The following LPP variants were observed in gnomAD, a reference collection of about 807,000 sequenced individuals.
LPP encodes the protein LIM domain containing preferred translocation partner in lipoma.
Under a neutral mutation model 60.4 loss-of-function variants are expected in LPP, and 38 were observed. The observed-to-expected ratio is 0.63, with a 90% CI of 0.49 to 0.83. LPP has a LOEUF of 0.83. Among genes scored for constraint, LPP ranks in the 40% least tolerant of loss-of-function variants. LPP has a pLI of 0.00. For synonymous variants in LPP, 328 were observed against 290.8 expected, an observed-to-expected ratio of 1.13 and a Z score of -1.30; for missense variants, 902 against 783.6, an observed-to-expected ratio of 1.15 and a Z score of -1.80.
chr3:188,760,100 C>T lies in LPP; in HGVS notation c.1241-13C>T. The T allele has an allele frequency of 1.2e-6, 2 of 1,612,028 alleles. No individual in the cohort carries two copies. The highest frequency in any genetic ancestry group is 1.7e-6 in the Non-Finnish European group (2 of 1,178,860). On this transcript the variant is annotated splice_polypyrimidine_tract_variant and intron_variant, in intron 8 of 11. Coordinates refer to ENST00000617246, the MANE Select transcript of LPP (RefSeq NM_001375462.1). Reference sequence around the variant, plus strand: ...CTCCTTGGTGTGTTCTTATCAAACCCTTTTTTTTCCAGGCCGCTGTGCTCG... The same window carrying T: ...CTCCTTGGTGTGTTCTTATCAAACCTTTTTTTTTCCAGGCCGCTGTGCTCG...
At chr3:188,542,613 A>G (rs1050531139) in intron 6 of LPP, among the ~76,000 whole-genome samples, 5 of 152,244 alleles carry the variant, frequency 3.3e-5, no homozygotes, top group African/African-American at 1.2e-4. Flanking sequence ...AAACATAAAC[A>G]TATATTATGA....
In LPP at chr3:188,610,103, G is replaced by C. The variant is rs1423955381; in HGVS notation, c.1113+259G>C. Among the ~76,000 whole-genome samples the C allele has an allele frequency of 6.6e-6, 1 of 152,188 alleles. No homozygotes were observed. Among genetic ancestry groups the C allele is most frequent in the Non-Finnish European group, 1.5e-5 (1 of 68,036 alleles). ...TCTTCCAAAGCCCACAGACACCATA[G>C]CATCTGAGGACAAAGTGTTCTGATG... On this transcript the variant is annotated intron_variant, in intron 7 of 11. Coordinates refer to ENST00000617246, the MANE Select transcript of LPP (RefSeq NM_001375462.1). The surrounding 1 kb of genome is among the most constrained non-coding windows in gnomAD (Gnocchi z 4.4).
At chr3:188,307,636 C>A (rs370158680) in intron 2 of LPP, among the ~76,000 whole-genome samples, 2 of 152,168 alleles carry the variant, frequency 1.3e-5, no homozygotes, top group East Asian at 1.9e-4. Context: ...TTTGTTGTAT[C>A]CCCACCTAGG....
At chr3:188,206,141 C>T (rs996736200) in intron 1 of LPP, among the ~76,000 whole-genome samples, 7 of 152,248 alleles carry the variant, frequency 4.6e-5, no homozygotes, top group Admixed American at 1.3e-4. Context: ...GTTAGACACA[C>T]CTCCTTTAAT....
chr3:188,516,578 C>G (rs927881066), intron 5 of LPP, among the ~76,000 whole-genome samples: 2 of 151,356 alleles, frequency 1.3e-5, no homozygotes, highest in Admixed American at 6.6e-5. Flanking sequence ...TAAATTCACT[C>G]AGTACCCACC....
chr3:188,794,965 G>A lies in LPP; in HGVS notation c.1410+34683G>A, dbSNP rs527457790. ...AACCTGGCCAACACGGTGAAACCCC[G>A]TCTCTACTAAAATACAAAAATTAGC... On this transcript the variant is annotated intron_variant, in intron 9 of 11. Transcript: ENST00000617246. Among the ~76,000 whole-genome samples the A allele has an allele frequency of 9.9e-5, 15 of 152,156 alleles. No individual in the cohort carries two copies. The South Asian group carries it at 1.9e-3, about 19-fold the overall frequency.
intron 2 of LPP, among the ~76,000 whole-genome samples, chr3:188,278,438 A>C (rs149051825): frequency 8.5e-5 from 13 of 152,350 alleles, no homozygotes; most frequent in East Asian, 5.8e-4. Flanking sequence ...TGGCACCTGC[A>C]GCCAGAGACC....
intron 6 of LPP, among the ~76,000 whole-genome samples, chr3:188,607,404 TATATATATATATAA>T (rs1402716867): frequency 0.26 from 23,926 of 93,502 alleles, 3,600 homozygotes; most frequent in Non-Finnish European, 0.38. Context: ...TATATATATA[TATATATATATATAA>T]TTTTTTTTTC....
chr3:188,801,822 A>T (rs1489068595), intron 9 of LPP, among the ~76,000 whole-genome samples: 3 of 152,148 alleles, frequency 2.0e-5, no homozygotes, highest in Non-Finnish European at 4.4e-5. Context: ...TTGGATAAAG[A>T]CTGTTCTTAC....
chr3:188,813,258 A>G (rs1383804847), intron 9 of LPP, among the ~76,000 whole-genome samples: 1 of 152,190 alleles, frequency 6.6e-6, no homozygotes, highest in Non-Finnish European at 1.5e-5. Flanking sequence ...TAGCTATTTC[A>G]TTGCAATAAA....
chr3:188,687,281 T>C (rs1419954973), intron 7 of LPP, among the ~76,000 whole-genome samples: 3 of 152,176 alleles, frequency 2.0e-5, no homozygotes, highest in Non-Finnish European at 4.4e-5. Flanking sequence ...TCTGTTCTAA[T>C]GCTGGGATCA....
intron 4 of LPP, among the ~76,000 whole-genome samples, chr3:188,436,806 T>C (rs1213819189): frequency 1.3e-5 from 2 of 152,154 alleles, no homozygotes; most frequent in Admixed American, 6.5e-5. Flanking sequence ...TTAAAGTTTG[T>C]GTAGGTAAGA....
At chr3:188,869,199 C>T (rs1767435838) in intron 10 of LPP, among the ~76,000 whole-genome samples, 2 of 152,150 alleles carry the variant, frequency 1.3e-5, no homozygotes, top group Non-Finnish European at 2.9e-5. Context: ...CTAGAGCAGC[C>T]TGGGAGTAGA....
chr3:188,718,936 A>C (rs1367916317), intron 8 of LPP, among the ~76,000 whole-genome samples: 2 of 152,188 alleles, frequency 1.3e-5, no homozygotes, highest in African/African-American at 4.8e-5. Context: ...TAGGGTCCCA[A>C]ATTTGTTAGT....
intron 5 of LPP, among the ~76,000 whole-genome samples, chr3:188,524,170 C>T (rs1819806003): frequency 6.6e-6 from 1 of 152,194 alleles, no homozygotes; most frequent in Non-Finnish European, 1.5e-5. Flanking sequence ...CGCACACATG[C>T]ATACCTAATA....
intron 1 of LPP, among the ~76,000 whole-genome samples, chr3:188,219,742 TG>T (rs1003530090): frequency 3.3e-5 from 5 of 152,344 alleles, no homozygotes; most frequent in African/African-American, 1.2e-4. Flanking sequence ...TTGATGCTCC[TG>T]CTTACATATC....
Position 188,422,638 on chromosome 3 carries a change from A to G in LPP, c.193+16325A>G, listed in dbSNP as rs185320789. 1.1e-3 allele frequency among the ~76,000 whole-genome samples: 167 copies of G among 152,286 alleles called. 2 individuals carry two copies. The East Asian group carries it at 0.025, about 23-fold the overall frequency. The stretch of plus-strand genomic sequence containing the variant: ...AAAAGAAAAAGAACAGGAACTCCTA[A>G]CAACCTAAAATGCATGCCTTGTGCA... On this transcript the variant is annotated intron_variant, in intron 4 of 11. Coordinates refer to ENST00000617246, the MANE Select transcript of LPP (RefSeq NM_001375462.1).
intron 4 of LPP, among the ~76,000 whole-genome samples, chr3:188,483,626 T>C (rs1321444882): frequency 6.6e-6 from 1 of 152,230 alleles, no homozygotes; most frequent in African/African-American, 2.4e-5. Flanking sequence ...CTCTTGGATA[T>C]ATGTGTATAA....
At chr3:188,806,192 T>C (rs1019295888) in intron 9 of LPP, among the ~76,000 whole-genome samples, 1 of 151,898 alleles carries the variant, frequency 6.6e-6, no homozygotes, top group Non-Finnish European at 1.5e-5. Flanking sequence ...AGCATAATTG[T>C]AGGTTTGTCT....
Sources: gnomAD v4.1 joint callset for allele counts (sites outside exome capture counted in the v4.1 genomes callset) on GRCh38, gnomAD v4.1.1 for gene constraint, Gnocchi (gnomAD v3.1) non-coding constraint, MANE v1.5 for transcripts, NCBI Gene and HGNC (gene_info 2026-07-23, HGNC 2026-07-21) for gene names.